Variants in AVEN observed in about 807,000 individuals in gnomAD.
The protein encoded by AVEN is cell death regulator Aven.
A neutral mutation model predicts 38.1 loss-of-function variants in AVEN; 41 were observed. The observed-to-expected ratio is 1.08, with a 90% CI of 0.84 to 1.40. The LOEUF is 1.40. AVEN is among the 40% of genes most tolerant of loss of function. AVEN has a pLI of 0.00. For missense variants in AVEN, 605 were observed against 438.8 expected (o/e 1.38, Z -3.38); for synonymous variants, 206 against 171.8 (o/e 1.20, Z -1.56).
At chr15:33,903,579 T>C (rs1488056659) in intron 2 of AVEN, among the ~76,000 whole-genome samples, 7 of 152,204 alleles carry the variant, frequency 4.6e-5, no homozygotes, top group Non-Finnish European at 1.0e-4. Flanking sequence ...CATAATCTCA[T>C]TAACTACAAG....
At chr15:34,000,729 A>G (rs1897106331) in intron 2 of AVEN, among the ~76,000 whole-genome samples, 1 of 152,214 alleles carries the variant, frequency 6.6e-6, no homozygotes. Context: ...TGAAGAAAGC[A>G]TGGAAGCTCT....
chr15:34,038,767 C>A lies in AVEN; in HGVS notation c.267+13G>T. On this transcript the variant is annotated intron_variant, in intron 1 of 5. Transcript: ENST00000306730. ...TACACGCGGTCCCAGCCCCACCAGC[C>A]GTCGCCTCTTACCGGCGCGCTGGCC... 8.6e-7 allele frequency: 1 copy of A among 1,167,764 alleles called. No homozygotes were observed. The highest frequency in any genetic ancestry group is 4.0e-5 in the South Asian group (1 of 25,222). The allele number at this position is 1,167,764 out of a possible 1,614,324, so 72.3% of individuals were successfully genotyped here.
At chr15:33,948,214 G>A (rs1307692669) in intron 2 of AVEN, among the ~76,000 whole-genome samples, 2 of 149,910 alleles carry the variant, frequency 1.3e-5, no homozygotes, top group African/African-American at 2.5e-5. Context: ...TCTCTGCCTC[G>A]CCCTCCTGAG....
the AVEN span, chr15:33,853,022 A>G: frequency 6.3e-7 from 1 of 1,597,226 alleles, no homozygotes; most frequent in South Asian, 1.1e-5. Context: ...TGAAGAACCA[A>G]CCTTTTTCGT....
chr15:33,865,036 G>C (rs886407113), downstream of AVEN: 16 of 843,768 alleles, frequency 1.9e-5, no homozygotes, highest in East Asian at 1.7e-4. Context: ...ATTCACATCA[G>C]TCTTCCTAAA....
At chr15:33,866,831 T>A in intron 5 of AVEN, 103 bp from the exon 6 acceptor site, 1 of 783,936 alleles carries the variant, frequency 1.3e-6, no homozygotes, top group Non-Finnish European at 2.1e-6. Context: ...GGAAACATTC[T>A]CATTATTCTT....
rs530516560 is a variant in AVEN at position 33,938,999 on chromosome 15, G to A, written c.446-63004C>T. On this transcript the variant is annotated intron_variant, in intron 2 of 5. Transcript: ENST00000306730. ...TGGGATTACAGGTGCCCACCATTAC[G>A]CCCGGCTAATTTTTGGTATTTTTAG... Among the ~76,000 whole-genome samples, 3 of 152,148 alleles carry A rather than the reference G, an allele frequency of 2.0e-5. No individual in the cohort carries two copies. The East Asian group carries it at 5.8e-4, about 29-fold the overall frequency.
At chr15:33,878,924 G>C (rs1262274028) in intron 2 of AVEN, among the ~76,000 whole-genome samples, 1 of 151,962 alleles carries the variant, frequency 6.6e-6, no homozygotes, top group Non-Finnish European at 1.5e-5. Flanking sequence ...TGTTGTTTTT[G>C]ACATTCCTGA....
At chr15:33,934,633 A>C (rs1305026444) in intron 2 of AVEN, among the ~76,000 whole-genome samples, 1 of 152,320 alleles carries the variant, frequency 6.6e-6, no homozygotes, top group Non-Finnish European at 1.5e-5. Context: ...AGGATGACTA[A>C]GTGGTAGATG....
At chr15:33,966,561 T>G (rs570034147) in intron 2 of AVEN, among the ~76,000 whole-genome samples, 3 of 152,156 alleles carry the variant, frequency 2.0e-5, no homozygotes, top group Non-Finnish European at 4.4e-5. Flanking sequence ...GGCTTTGAGC[T>G]TAGATGGAAA....
downstream of AVEN, among the ~76,000 whole-genome samples, chr15:33,861,870 C>G (rs1888361849): frequency 6.6e-6 from 1 of 152,076 alleles, no homozygotes. Context: ...GGTGATCTGC[C>G]TGCCTCGGCC....
chr15:33,883,221 T>C (rs888021092), intron 2 of AVEN, among the ~76,000 whole-genome samples: 3 of 152,210 alleles, frequency 2.0e-5, no homozygotes, highest in Admixed American at 6.5e-5. Context: ...GTAGCAACTT[T>C]AGTATTGCAA....
intron 2 of AVEN, among the ~76,000 whole-genome samples, chr15:33,883,406 T>G (rs1468110161): frequency 2.0e-5 from 3 of 152,150 alleles, no homozygotes; most frequent in Non-Finnish European, 2.9e-5. Context: ...TAGCTTTAAC[T>G]TCAGCTAAAT....
chr15:34,027,360 C>CA (rs1352828510), intron 1 of AVEN, among the ~76,000 whole-genome samples: 1 of 151,594 alleles, frequency 6.6e-6, no homozygotes, highest in African/African-American at 2.4e-5. Context: ...ACTAAAAATA[C>CA]AAAAAATAAA....
chr15:34,020,891 C>A (rs1898172317), intron 1 of AVEN, among the ~76,000 whole-genome samples: 1 of 152,218 alleles, frequency 6.6e-6, no homozygotes, highest in African/African-American at 2.4e-5. Flanking sequence ...AATGGACCTA[C>A]CAAAATTCTC....
In AVEN at chr15:34,064,087, C is replaced by T; in HGVS notation, n.1127-655G>A. On this transcript the variant is annotated intron_variant and non_coding_transcript_variant, in intron 4 of 11. Transcript: ENST00000675287. ...CTGGCCTTCATCATCACATGGACCCCGTATAACATCATGGTCCTGGTTTCT... is the reference window on the plus strand; with the variant it reads ...CTGGCCTTCATCATCACATGGACCCTGTATAACATCATGGTCCTGGTTTCT... 5.0e-6 allele frequency: 8 copies of T among 1,614,124 alleles called. No homozygotes were observed. The highest frequency in any genetic ancestry group is 2.2e-5 in the East Asian group (1 of 44,872).
intron 1 of AVEN, among the ~76,000 whole-genome samples, chr15:34,003,984 T>C (rs1897235688): frequency 6.6e-6 from 1 of 152,318 alleles, no homozygotes; most frequent in South Asian, 2.1e-4. Flanking sequence ...GCCACTTCAT[T>C]TGCCCTTGAT....
At chr15:34,002,954 T>C (rs1429537928) in intron 2 of AVEN, 78 bp downstream of exon 2, 32 of 1,279,202 alleles carry the variant, frequency 2.5e-5, no homozygotes, top group Non-Finnish European at 3.3e-5. Flanking sequence ...GTTATAAAAG[T>C]AGAATTTAAA....
intron 2 of AVEN, among the ~76,000 whole-genome samples, chr15:33,996,883 G>A (rs1024180586): frequency 3.9e-5 from 6 of 152,142 alleles, no homozygotes; most frequent in African/African-American, 7.2e-5. Flanking sequence ...AGTAGGCTTC[G>A]GAAGGCTGGT....
Sources: gnomAD v4.1 joint callset for allele counts (sites outside exome capture counted in the v4.1 genomes callset) on GRCh38, gnomAD v4.1.1 for gene constraint, MANE v1.5 for transcripts, NCBI Gene and HGNC (gene_info 2026-07-23, HGNC 2026-07-21) for gene names.